The following ZDHHC1 variants were observed in gnomAD, a reference collection of about 807,000 sequenced individuals.
The protein encoded by ZDHHC1 is palmitoyltransferase ZDHHC1.
ZDHHC1 carries 45 observed loss-of-function variants against 46.9 expected under a neutral mutation model. The observed-to-expected ratio is 0.96, with a 90% CI of 0.76 to 1.23. The LOEUF is 1.23. Ranked by LOEUF, ZDHHC1 falls within the 50% of genes most tolerant of loss-of-function variation. The probability of loss-of-function intolerance (pLI) is 0.00; values close to 1 mark genes in which losing one functional copy is unlikely to be tolerated. For missense variants in ZDHHC1, 649 were observed against 670.8 expected, an observed-to-expected ratio of 0.97 and a Z score of 0.36; for synonymous variants, 291 against 286.0, an observed-to-expected ratio of 1.02 and a Z score of -0.18.
chr16:67,415,412 T>C (rs2040817929), intron 1 of ZDHHC1, among the ~76,000 whole-genome samples: 1 of 151,338 alleles, frequency 6.6e-6, no homozygotes, highest in Non-Finnish European at 1.5e-5. Flanking sequence ...TGACCCATGT[T>C]CACACCACAG....
Position 67,406,535 on chromosome 16 carries a change from G to T in ZDHHC1, c.10-93C>A. On this transcript the variant is annotated intron_variant, in intron 2 of 11. Transcript: ENST00000565726. This position sits in a 1 kb window ranked among gnomAD's most constrained non-coding sequence, Gnocchi z 4.1. ...CTGCAGCCAAGTTTCAGCACAGGGG[G>T]AGTAGGCTGCGACAGCTACTCTGCT... The T allele has an allele frequency of 7.1e-7, 1 of 1,411,840 alleles. No homozygotes were observed. The highest frequency in any genetic ancestry group is 9.3e-7 in the Non-Finnish European group (1 of 1,075,732). The allele number at this position is 1,411,840 out of a possible 1,614,324, so 87.5% of individuals were successfully genotyped here.
At chr16:67,412,765 T>C (rs1405993055) in intron 1 of ZDHHC1, among the ~76,000 whole-genome samples, 1 of 152,196 alleles carries the variant, frequency 6.6e-6, no homozygotes, top group African/African-American at 2.4e-5. Context: ...CTAGAGGACT[T>C]GTGGTTTCCA....
intron 1 of ZDHHC1, among the ~76,000 whole-genome samples, chr16:67,412,947 C>T (rs1036082629): frequency 6.6e-6 from 1 of 151,776 alleles, no homozygotes; most frequent in African/African-American, 2.4e-5. Flanking sequence ...ATTACAGGTG[C>T]CCGCCGCCAC....
rs1597526157 is a variant in ZDHHC1, at chr16:67,394,213, T to C, written c.*397A>G. On this transcript the variant is annotated 3_prime_UTR_variant, in exon 12 of 12. Coordinates refer to ENST00000565726, the MANE Select transcript of ZDHHC1 (RefSeq NM_001323627.2). Reference sequence around the variant, plus strand: ...AGCCTGCTTTCTCTCGGCCTCCCAGTGCAAAGCCCATCTTTAAGAAAAATA... The same window carrying C: ...AGCCTGCTTTCTCTCGGCCTCCCAGCGCAAAGCCCATCTTTAAGAAAAATA... Among the ~76,000 whole-genome samples, 2 of 152,298 alleles carry C rather than the reference T, an allele frequency of 1.3e-5. No individual in the cohort carries two copies. Among genetic ancestry groups the C allele is most frequent in the East Asian group, 3.9e-4 (2 of 5,172 alleles).
intron 1 of ZDHHC1, among the ~76,000 whole-genome samples, chr16:67,410,264 A>G (rs573067178): frequency 7.9e-5 from 12 of 152,284 alleles, no homozygotes; most frequent in African/African-American, 2.6e-4. Context: ...GTGCTTTGGG[A>G]GAAACTTGTC....
At chr16:67,403,143 A>T (rs200396353) in intron 3 of ZDHHC1, among the ~76,000 whole-genome samples, 1 of 152,096 alleles carries the variant, frequency 6.6e-6, no homozygotes, top group Non-Finnish European at 1.5e-5. Flanking sequence ...GGCTGTGGGG[A>T]ACATGTGGAG....
At chr16:67,403,603 CTTTT>C (rs1388568464) in intron 3 of ZDHHC1, among the ~76,000 whole-genome samples, 2 of 151,292 alleles carry the variant, frequency 1.3e-5, no homozygotes, top group Non-Finnish European at 2.9e-5. Flanking sequence ...AGCCTCATTT[CTTTT>C]GTTTTTTGTT....
chr16:67,399,263 C>T (rs1187237975), intron 5 of ZDHHC1, 92 bp downstream of exon 5: 7 of 1,194,752 alleles, frequency 5.9e-6, no homozygotes, highest in Non-Finnish European at 8.4e-6. Flanking sequence ...GCATCCCCAT[C>T]CCCGCCCGCC....
rs2040559148 is a variant in ZDHHC1, at chr16:67,401,872, C to T, written c.253-740G>A. ...ACAAAGTCTGATGTTTAAAAATTCA[C>T]CCATAGATTCCACCCAGGCAGCCAT... On this transcript the variant is annotated intron_variant, in intron 3 of 11. Coordinates refer to ENST00000565726, the MANE Select transcript of ZDHHC1 (RefSeq NM_001323627.2). The surrounding 1 kb of genome is among the most constrained non-coding windows in gnomAD (Gnocchi z 4.6). Among the ~76,000 whole-genome samples, 1 of 152,178 alleles carries T rather than the reference C, an allele frequency of 6.6e-6. No individual in the cohort carries two copies. Among genetic ancestry groups the T allele is most frequent in the South Asian group, 2.1e-4 (1 of 4,828 alleles).
At chr16:67,415,323 G>A (rs2142270045) in intron 1 of ZDHHC1, among the ~76,000 whole-genome samples, 1 of 152,110 alleles carries the variant, frequency 6.6e-6, no homozygotes, top group Admixed American at 6.5e-5. Context: ...GCTGAGCGTG[G>A]TGGCGGGTAT....
chr16:67,403,679 G>A (rs1017778333), intron 3 of ZDHHC1, among the ~76,000 whole-genome samples: 12 of 151,542 alleles, frequency 7.9e-5, no homozygotes, highest in Non-Finnish European at 1.2e-4. Flanking sequence ...GCGCTATCTC[G>A]GCTCACTGCA....
intron 1 of ZDHHC1, among the ~76,000 whole-genome samples, chr16:67,410,285 G>A (rs890602313): frequency 3.3e-5 from 5 of 152,324 alleles, no homozygotes; most frequent in East Asian, 1.9e-4. Flanking sequence ...AGAAGGTGGC[G>A]GTGAAGCCCA....
At chr16:67,413,285 C>T (rs543575140) in intron 1 of ZDHHC1, among the ~76,000 whole-genome samples, 158 of 152,198 alleles carry the variant, frequency 1.0e-3, no homozygotes, top group Non-Finnish European at 1.6e-3. Context: ...ATGAACTTTC[C>T]GTTTCCCCCA....
chr16:67,414,152 C>T (rs2040796155), intron 1 of ZDHHC1, among the ~76,000 whole-genome samples: 1 of 152,076 alleles, frequency 6.6e-6, no homozygotes, highest in Admixed American at 6.6e-5. Flanking sequence ...GAAGAGAGGC[C>T]AAGGTTATTG....
At chr16:67,403,787 G>C (rs905099601) in intron 3 of ZDHHC1, among the ~76,000 whole-genome samples, 1 of 151,994 alleles carries the variant, frequency 6.6e-6, no homozygotes, top group African/African-American at 2.4e-5. Flanking sequence ...GCTAATTTTT[G>C]TATTTTTAGT....
intron 7 of ZDHHC1, 35 bp from the exon 8 acceptor site, chr16:67,398,359 A>AG (rs938878753): frequency 6.3e-7 from 1 of 1,596,154 alleles, no homozygotes; most frequent in African/African-American, 1.3e-5. Context: ...GTGCGGTGGA[A>AG]GGGGGACTCT....
Position 67,401,000 on chromosome 16 carries a change from G to A in ZDHHC1, c.385C>T (p.His129Tyr). 1 of 1,614,150 alleles carries A rather than the reference G, an allele frequency of 6.2e-7. No individual in the cohort carries two copies. The highest frequency in any genetic ancestry group is 1.3e-5 in the African/African-American group (1 of 75,062). ...TTGCAGTGCAGGTCTTCAATGACAT[G>A]TGCGTGCTGGCTTCGGTTGAAGATG... ...LPIFNRSQHA[H>Y]VIEDLHCNLC... is the part of the protein sequence containing the mutation. The change falls in exon 4 of 12, where the codon CAT (histidine) becomes TAT (tyrosine). Residue 129 changes from histidine (H) to tyrosine (Y), a missense_variant. Physicochemically the swap from His to Tyr is moderately conservative, Grantham distance 83. Transcript: ENST00000565726.
chr16:67,412,875 A>G (rs1344862041), intron 1 of ZDHHC1, among the ~76,000 whole-genome samples: 1 of 151,440 alleles, frequency 6.6e-6, no homozygotes, highest in South Asian at 2.1e-4. Flanking sequence ...ATCTTGGCTC[A>G]CTGCAGCCTC....
chr16:67,413,078 C>A (rs1164741146), intron 1 of ZDHHC1, among the ~76,000 whole-genome samples: 2 of 151,654 alleles, frequency 1.3e-5, no homozygotes, highest in African/African-American at 2.4e-5. Flanking sequence ...CTGCACCCAG[C>A]CTATTTTTTT....
Sources: allele counts gnomAD v4.1 joint callset (sites outside exome capture counted in the v4.1 genomes callset), GRCh38; gene constraint gnomAD v4.1.1; non-coding constraint Gnocchi (gnomAD v3.1); transcripts MANE v1.5; gene names NCBI Gene and HGNC (gene_info 2026-07-23, HGNC 2026-07-21).